ECHDC2: variants seen among roughly 807,000 people sequenced by gnomAD.
ECHDC2 encodes enoyl-CoA hydratase domain containing 2.
ECHDC2 carries 34 observed loss-of-function variants against 40.6 expected under a neutral mutation model. The ratio of observed to expected loss-of-function variants is 0.84; its 90% CI spans 0.64 to 1.11. The LOEUF (loss-of-function observed/expected upper bound fraction) is 1.11. ECHDC2 is among the 50% of genes most tolerant of loss of function. The probability of loss-of-function intolerance (pLI) is 0.00; values close to 1 mark genes in which losing one functional copy is unlikely to be tolerated. For synonymous variants in ECHDC2, 162 were observed against 166.6 expected (o/e 0.97, Z 0.21); for missense variants, 392 against 400.7 (o/e 0.98, Z 0.19).
At chr1:52,906,472 C>A in intron 5 of ECHDC2, 47 bp downstream of exon 5, 2 of 1,468,252 alleles carry the variant, frequency 1.4e-6, no homozygotes, top group East Asian at 2.4e-5. Context: ...TTTCACTCAC[C>A]CCTGACTCCC....
chr1:52,918,679 C>CA lies in ECHDC2; in HGVS notation c.121+2873dup, dbSNP rs774942657. ...TTGTGTTTTAAGCTGAGTGTTACTA[C>CA]AAAAGAGTCAAAAGTTGAAAAAATT... On this transcript the variant is annotated intron_variant, in intron 1 of 9. Coordinates refer to ENST00000371522, the MANE Select transcript of ECHDC2 (RefSeq NM_001198961.2). 2.1e-3 allele frequency among the ~76,000 whole-genome samples: 316 copies of CA among 152,116 alleles called. 1 individual carries two copies. Among genetic ancestry groups the CA allele is most frequent in the Middle Eastern group, 6.8e-3 (2 of 294 alleles).
At chr1:52,907,105 T>C (rs140894872) in intron 4 of ECHDC2, 4,084 of 150,086 alleles carry the variant, frequency 0.027, 143 homozygotes, top group East Asian at 0.19. Flanking sequence ...TTTTCTTTTT[T>C]TTTTTTTTTG....
At chr1:52,910,352 G>GTTTTTTTTCTTTTT (rs1649103958) in intron 3 of ECHDC2, among the ~76,000 whole-genome samples, 1 of 32,062 alleles carries the variant, frequency 3.1e-5, no homozygotes, top group Admixed American at 6.2e-4. Context: ...CCACAATTTC[G>GTTTTTTTTCTTTTT]TTTTTTTTTT....
chr1:52,909,510 T>C (rs1648851241), intron 3 of ECHDC2, among the ~76,000 whole-genome samples: 2 of 138,564 alleles, frequency 1.4e-5, no homozygotes, highest in African/African-American at 2.7e-5. Context: ...ACACCAACGG[T>C]AACTGATGAG....
intron 3 of ECHDC2, among the ~76,000 whole-genome samples, chr1:52,910,914 A>T (rs904532748): frequency 6.6e-6 from 1 of 152,224 alleles, no homozygotes; most frequent in East Asian, 1.9e-4. Context: ...TTCCAGTCCT[A>T]GACTACAGGA....
chr1:52,910,456 C>T (rs540862792), intron 3 of ECHDC2, among the ~76,000 whole-genome samples: 2 of 147,620 alleles, frequency 1.4e-5, no homozygotes, highest in African/African-American at 5.0e-5. Flanking sequence ...GTAACCTCCA[C>T]CTCCCGGGTT....
At chr1:52,909,320 A>G (rs1252871811) in intron 3 of ECHDC2, among the ~76,000 whole-genome samples, 2 of 152,218 alleles carry the variant, frequency 1.3e-5, no homozygotes, top group Non-Finnish European at 2.9e-5. Flanking sequence ...GACTGGTTCC[A>G]GGACCCCTCA....
At position 52,904,972 on chromosome 1, in the gene ECHDC2, A is replaced by G. The variant is rs183355534; in HGVS notation, c.514+62T>C. 9.8e-5 allele frequency: 158 copies of G among 1,611,246 alleles called. 1 individual carries two copies. In the East Asian group the frequency reaches 1.7e-3, roughly 17 times the overall value. Reference sequence around the variant, plus strand: ...GCAGAGCCCAGAACAGAGGGCAAAAAAGGAAAGCAGCGAAGGACCCTGGAT... The same window carrying G: ...GCAGAGCCCAGAACAGAGGGCAAAAGAGGAAAGCAGCGAAGGACCCTGGAT... On this transcript the variant is annotated intron_variant, in intron 6 of 9. Coordinates refer to ENST00000371522, the MANE Select transcript of ECHDC2 (RefSeq NM_001198961.2).
chr1:52,905,221 G>T (rs1049170805), intron 5 of ECHDC2, 131 bp from the exon 6 acceptor site: 26 of 961,066 alleles, frequency 2.7e-5, no homozygotes, highest in Middle Eastern at 3.2e-4. Context: ...CCACAGCCAG[G>T]CCTCTCCAGA....
chr1:52,899,437 TG>T, intron 7 of ECHDC2: 1 of 587,254 alleles, frequency 1.7e-6, no homozygotes, highest in Non-Finnish European at 3.0e-6. Flanking sequence ...CCTGAACACC[TG>T]GGTTTCTTGT....
At chr1:52,896,676 C>A in intron 9 of ECHDC2, 79 bp from the exon 10 acceptor site, 1 of 1,164,354 alleles carries the variant, frequency 8.6e-7, no homozygotes, top group Non-Finnish European at 1.3e-6. Context: ...TTGTCCAGCC[C>A]AAGACAAGGC....
At chr1:52,901,306 G>GGA (rs1646975998) in intron 7 of ECHDC2, 1 of 152,066 alleles carries the variant, frequency 6.6e-6, no homozygotes, top group East Asian at 1.9e-4. Context: ...TTCAGAGGCT[G>GGA]AGGTGGAAGG....
chr1:52,906,882 A>C, intron 4 of ECHDC2: 1 of 223,018 alleles, frequency 4.5e-6, no homozygotes, highest in Non-Finnish European at 8.7e-6. Flanking sequence ...CTCTTGCCTC[A>C]ACCTCCTGAG....
chr1:52,918,850 C>G (rs1396474524), intron 1 of ECHDC2, among the ~76,000 whole-genome samples: 1 of 151,974 alleles, frequency 6.6e-6, no homozygotes, highest in Non-Finnish European at 1.5e-5. Flanking sequence ...GGCCAGGGGT[C>G]CCCAACCCCC....
chr1:52,920,590 A>G, intron 1 of ECHDC2: 1 of 1,182,798 alleles, frequency 8.5e-7, no homozygotes, highest in South Asian at 1.2e-5. Context: ...AAATCTGGCA[A>G]AAAGTAAGCT....
Position 52,911,651 on chromosome 1 carries a change from CAG to C in ECHDC2, c.190_191del (p.Leu64AlafsTer40), listed in dbSNP as rs774769180. 1.9e-6 allele frequency: 3 copies of C among 1,614,218 alleles called. No individual in the cohort carries two copies. In the South Asian group the frequency reaches 3.3e-5, roughly 18 times the overall value. On this transcript the variant is annotated frameshift_variant and splice_region_variant, in exon 3 of 10. Transcript: ENST00000371522. LOFTEE classifies it high-confidence loss of function. ...NALGNVFVSE[L>X]LETLAQLRED... ...CCCGCAGCTGGGCCAGAGTTTCCAG[CAG>C]CTACAGAGGACACCCAGTTAGATAG...
rs1465808587 is a variant in ECHDC2 at position 52,913,909 on chromosome 1, C to G, written c.122-2119G>C. On this transcript the variant is annotated intron_variant, in intron 1 of 9. Transcript: ENST00000371522. Reference sequence around the variant, plus strand: ...CTTCCTCCTACCTTTCAGGTGATGCCTCTGCACTCCTTCACTGCTTCTCTT... The same window carrying G: ...CTTCCTCCTACCTTTCAGGTGATGCGTCTGCACTCCTTCACTGCTTCTCTT... The G allele has an allele frequency of 3.5e-6, 4 of 1,151,966 alleles. No homozygotes were observed. In the African/African-American group the frequency reaches 4.9e-5, roughly 14 times the overall value. 71.4% of individuals were successfully genotyped at this position (1,151,966 alleles called of 1,614,324 possible).
intron 8 of ECHDC2, chr1:52,897,763 C>T: frequency 7.3e-6 from 4 of 544,806 alleles, no homozygotes; most frequent in South Asian, 2.0e-5. Flanking sequence ...CCTTTATGAC[C>T]TGGGCCCTGG....
intron 6 of ECHDC2, 65 bp from the exon 7 acceptor site, chr1:52,904,898 C>T: frequency 6.3e-7 from 1 of 1,595,634 alleles, no homozygotes; most frequent in Non-Finnish European, 8.6e-7. Flanking sequence ...GAAGGCTCAG[C>T]CTGGGACTCA....
Sources: gnomAD v4.1 joint callset for allele counts (sites outside exome capture counted in the v4.1 genomes callset) on GRCh38, gnomAD v4.1.1 for gene constraint, MANE v1.5 for transcripts, NCBI Gene and HGNC (gene_info 2026-07-23, HGNC 2026-07-21) for gene names.